BLTP1: variants seen among roughly 807,000 people sequenced by gnomAD.
BLTP1 encodes bridge-like lipid transfer protein family member 1.
chr4:122,175,739 G>A, the BLTP1 span: 1 of 674,428 alleles, frequency 1.5e-6, no homozygotes, highest in Non-Finnish European at 2.6e-6. Flanking sequence ...TTCTTTTGAG[G>A]ATTTCCTGTA....
At chr4:122,263,367 T>C in the BLTP1 span, 2 of 1,448,528 alleles carry the variant, frequency 1.4e-6, no homozygotes, top group East Asian at 2.6e-5. Flanking sequence ...ATTCTTCAAA[T>C]ATAGGTATAT....
At chr4:122,187,636 T>A in the BLTP1 span, 1 of 992,730 alleles carries the variant, frequency 1.0e-6, no homozygotes, top group South Asian at 1.8e-5. Context: ...AGTTCCCATT[T>A]CTGTATAGTG....
the BLTP1 span, chr4:122,174,608 C>A: frequency 6.2e-7 from 1 of 1,608,676 alleles, no homozygotes; most frequent in South Asian, 1.1e-5. Context: ...CTGGAAAAGT[C>A]ATGGTTCGTG....
the BLTP1 span, among the ~76,000 whole-genome samples, chr4:122,161,990 C>T: frequency 1.7e-4 from 26 of 152,082 alleles, no homozygotes; most frequent in African/African-American, 1.7e-4. Context: ...CATTTCTAAA[C>T]CGATAATTAC....
the BLTP1 span, among the ~76,000 whole-genome samples, chr4:122,338,635 TG>T: frequency 6.6e-6 from 1 of 151,620 alleles, no homozygotes; most frequent in African/African-American, 2.4e-5. Context: ...CCCCCTACCA[TG>T]TATACCGAAA....
At chr4:122,346,862 G>A in the BLTP1 span, 36 of 1,501,704 alleles carry the variant, frequency 2.4e-5, no homozygotes, top group African/African-American at 8.4e-5. Context: ...CATGTGATGC[G>A]TTCAGTCATT....
At chr4:122,185,989 G>C in the BLTP1 span, 1 of 1,407,990 alleles carries the variant, frequency 7.1e-7, no homozygotes, top group Non-Finnish European at 9.6e-7. Context: ...AAACTTTGAA[G>C]TTCTTAAAAA....
chr4:122,239,160 TTTAA>T, the BLTP1 span, among the ~76,000 whole-genome samples: 1 of 152,142 alleles, frequency 6.6e-6, no homozygotes, highest in Non-Finnish European at 1.5e-5. Flanking sequence ...TCCAGTCTCC[TTTAA>T]TCAGAGGCAC....
At chr4:122,221,393 G>T in the BLTP1 span, among the ~76,000 whole-genome samples, 15 of 152,174 alleles carry the variant, frequency 9.9e-5, no homozygotes, top group East Asian at 2.1e-3. Flanking sequence ...TGTGTTTCTG[G>T]TTTTAAACTT....
the BLTP1 span, chr4:122,243,881 A>G: frequency 3.1e-6 from 5 of 1,598,900 alleles, no homozygotes; most frequent in Non-Finnish European, 4.3e-6. Flanking sequence ...TGGAAAAAAA[A>G]CTCGCTGATA....
the BLTP1 span, chr4:122,331,816 A>G: frequency 1.1e-6 from 1 of 937,914 alleles, no homozygotes. Context: ...AACACACATG[A>G]ATTTCTCAGT....
chr4:122,182,853 A>G, the BLTP1 span: 2 of 984,722 alleles, frequency 2.0e-6, no homozygotes, highest in African/African-American at 3.5e-5. Context: ...CTCCCAGCTT[A>G]ACACAATGAT....
chr4:122,334,864 A>G, the BLTP1 span, among the ~76,000 whole-genome samples: 2 of 152,074 alleles, frequency 1.3e-5, no homozygotes, highest in African/African-American at 4.8e-5. Flanking sequence ...AGATGGAAAT[A>G]TCAAACTTGA....
chr4:122,179,972 C>T, the BLTP1 span: 1 of 984,428 alleles, frequency 1.0e-6, no homozygotes. Flanking sequence ...AGTATCCCTC[C>T]AAAAGACAGG....
chr4:122,201,167 A>G, the BLTP1 span: 1 of 1,459,492 alleles, frequency 6.9e-7, no homozygotes. Context: ...GATTTATCAC[A>G]GTGAACTTGT....
the BLTP1 span, chr4:122,274,324 A>T: frequency 4.0e-6 from 5 of 1,251,030 alleles, no homozygotes; most frequent in African/African-American, 7.4e-5. Context: ...TCAAATAAAT[A>T]TTTTTTCTCA....
chr4:122,230,320 AG>A, the BLTP1 span: 29 of 902,528 alleles, frequency 3.2e-5, no homozygotes, highest in Non-Finnish European at 2.0e-5. Context: ...TTTTAAATAA[AG>A]ACCTAACATG....
At chr4:122,238,558 C>A in the BLTP1 span, among the ~76,000 whole-genome samples, 1 of 152,202 alleles carries the variant, frequency 6.6e-6, no homozygotes, top group Non-Finnish European at 1.5e-5. Flanking sequence ...GAGGAAAGTA[C>A]AGGAAAGTGT....
the BLTP1 span, among the ~76,000 whole-genome samples, chr4:122,323,136 C>T: frequency 5.9e-5 from 9 of 152,042 alleles, no homozygotes; most frequent in African/African-American, 1.9e-4. Context: ...GTGTTCCTAC[C>T]CCAGTGTTGG....
Sources: allele counts gnomAD v4.1 joint callset (sites outside exome capture counted in the v4.1 genomes callset), GRCh38; gene constraint gnomAD v4.1.1; transcripts MANE v1.5; gene names NCBI Gene and HGNC (gene_info 2026-07-23, HGNC 2026-07-21).